CCT6A: variants seen among roughly 807,000 people sequenced by gnomAD.
CCT6A encodes T-complex protein 1 subunit zeta.
In CCT6A, 6 loss-of-function variants were observed where a neutral mutation model predicts 58.6. The ratio of observed to expected loss-of-function variants is 0.10; its 90% CI spans 0.06 to 0.20. The LOEUF (loss-of-function observed/expected upper bound fraction) is 0.20, where lower values mean the gene tolerates loss of function less well. Ranked by LOEUF, CCT6A falls within the 10% of genes least tolerant of loss-of-function variation. The pLI is 1.00. For synonymous variants in CCT6A, 245 were observed against 227.8 expected (o/e 1.08, Z -0.68); for missense variants, 516 against 648.8 (o/e 0.80, Z 2.22).
intron 9 of CCT6A, 86 bp downstream of exon 9, chr7:56,059,726 C>T: frequency 1.4e-6 from 1 of 701,970 alleles, no homozygotes; most frequent in South Asian, 1.6e-5. Context: ...GGTCTCACTC[C>T]TGCCCGGGCT....
At chr7:56,053,832 T>G (rs1308040143) in intron 2 of CCT6A, among the ~76,000 whole-genome samples, 2 of 152,110 alleles carry the variant, frequency 1.3e-5, no homozygotes, top group Non-Finnish European at 2.9e-5. Flanking sequence ...CATTGAACAT[T>G]TACAATTTAA....
At chr7:56,054,300 C>G in intron 2 of CCT6A, 69 bp from the exon 3 acceptor site, 1 of 1,353,926 alleles carries the variant, frequency 7.4e-7, no homozygotes. Flanking sequence ...GCCCTTCCTG[C>G]ATTTTGTCTG....
chr7:56,054,575 T>C, intron 3 of CCT6A, 72 bp downstream of exon 3: 7 of 1,458,854 alleles, frequency 4.8e-6, no homozygotes, highest in Non-Finnish European at 6.6e-6. Context: ...CAAATTGATG[T>C]GCTGTTAATA....
Position 56,063,001 on chromosome 7 carries a change from TCCCC to T in CCT6A, c.1524-10_1524-7del, listed in dbSNP as rs760815174. On this transcript the variant is annotated splice_polypyrimidine_tract_variant and splice_region_variant and intron_variant, in intron 13 of 13. Transcript: ENST00000275603. ...AATCATCTGAGCCATCTTATTTTTG[TCCCC>T]CTTTCAGCACTGTGATTGCCACCAA... is the stretch of plus-strand genomic sequence containing the variant. 5.5e-5 allele frequency: 88 copies of T among 1,603,016 alleles called. No homozygotes were observed. The highest frequency in any genetic ancestry group is 6.5e-5 in the Non-Finnish European group (76 of 1,170,052).
In CCT6A at chr7:56,056,413, A is replaced by G; in HGVS notation, c.613A>G (p.Ser205Gly). The G allele has an allele frequency of 2.1e-6, 3 of 1,408,404 alleles. No individual in the cohort carries two copies. Among genetic ancestry groups the G allele is most frequent in the Non-Finnish European group, 3.0e-6 (3 of 992,706 alleles). 87.2% of individuals were successfully genotyped at this position (1,408,404 alleles called of 1,614,324 possible). The change falls in exon 5 of 14, where the codon AGC becomes GGC. Residue 205 changes from serine (S) to glycine (G), a missense_variant and splice_region_variant. Ser to Gly is a moderately conservative substitution (Grantham distance 56). Around this residue, in one of 3 missense-constraint regions of CCT6A, gnomAD observed 85 missense variants for 74.9 expected, o/e 1.13. Coordinates refer to ENST00000275603, the MANE Select transcript of CCT6A (RefSeq NM_001762.4). ...GAAACATAAATCTGAAACTGATACA[A>G]GGTAGGTGGTAGAAGACTGTGAAAT... ...EMKHKSETDT[S>G]LIRGLVLDHG...
chr7:56,053,420 G>A (rs557512273), intron 2 of CCT6A, among the ~76,000 whole-genome samples: 8 of 152,256 alleles, frequency 5.3e-5, no homozygotes, highest in Middle Eastern at 3.4e-3. Flanking sequence ...GTGGTGGCCC[G>A]TGTTTGAAAA....
intron 12 of CCT6A, among the ~76,000 whole-genome samples, chr7:56,062,305 A>G (rs549597737): frequency 1.3e-5 from 2 of 152,328 alleles, no homozygotes; most frequent in African/African-American, 4.8e-5. Flanking sequence ...ATTAAGTACA[A>G]AGTAGGAGAT....
At position 56,051,857 on chromosome 7, in the gene CCT6A, G is replaced by A. The variant is rs1232837802; in HGVS notation, c.9G>A (p.Ala3=). 4 of 1,560,346 alleles carry A rather than the reference G, an allele frequency of 2.6e-6. No homozygotes were observed. Among genetic ancestry groups the A allele is most frequent in the South Asian group, 1.2e-5 (1 of 84,876 alleles). Residue 3 remains alanine (A), a synonymous_variant, in exon 1 of 14, where the codon GCG becomes GCA. Coordinates refer to ENST00000275603, the MANE Select transcript of CCT6A (RefSeq NM_001762.4). The part of the protein sequence containing the change: MA[A]VKTLNPKAEV... ...CCTCCGCTGGAGCAGCTATGGCGGC[G>A]GTGAAGACCCTGAACCCCAAGGCCG...
At chr7:56,061,694 T>TTTTTTTTTTTTTTTTTTTTTTTTTTTTG in intron 11 of CCT6A, 53 bp from the exon 12 acceptor site, 1 of 409,622 alleles carries the variant, frequency 2.4e-6, no homozygotes, top group South Asian at 2.7e-5. Flanking sequence ...TTTTTTTTTT[T>TTTTTTTTTTTTTTTTTTTTTTTTTTTTG]ACTATCAGTT....
chr7:56,055,396 G>C (rs1389905361), intron 3 of CCT6A: 2 of 625,846 alleles, frequency 3.2e-6, no homozygotes, highest in Non-Finnish European at 5.8e-6. Context: ...GTGCTTTATA[G>C]TTCCCTTGGC....
rs999937558 is a variant in CCT6A, at chr7:56,051,773, C to T, written c.-76C>T. 2 of 1,516,902 alleles carry T rather than the reference C, an allele frequency of 1.3e-6. No individual in the cohort carries two copies. Among genetic ancestry groups the T allele is most frequent in the Non-Finnish European group, 1.8e-6 (2 of 1,128,424 alleles). 94.0% of individuals were successfully genotyped at this position (1,516,902 alleles called of 1,614,324 possible). On this transcript the variant is annotated 5_prime_UTR_variant, in exon 1 of 14. Transcript: ENST00000275603. ...GACGGGCCGACTTTTCCAGAAGACC[C>T]GGATAGTTCCTCCCGGCCACGCCGC...
At position 56,061,668 on chromosome 7, in the gene CCT6A, C is replaced by CTTTTTTTTTTTTTTTTTTTTTTTTTTT. The variant is rs71015174; in HGVS notation, c.1348-53_1348-52insTTTTTTTTTTTTTTTTTTTTTTTTTTT. 6.1e-5 allele frequency: 19 copies of CTTTTTTTTTTTTTTTTTTTTTTTTTTT among 312,676 alleles called. 1 individual carries two copies. Among genetic ancestry groups the CTTTTTTTTTTTTTTTTTTTTTTTTTTT allele is most frequent in the African/African-American group, 2.3e-4 (6 of 25,938 alleles). 19.4% of individuals were successfully genotyped at this position (312,676 alleles called of 1,614,324 possible). On this transcript the variant is annotated intron_variant, in intron 11 of 13. Transcript: ENST00000275603. ...GGCCGAGATTTTCTTTTTCTTTTTT[C>CTTTTTTTTTTTTTTTTTTTTTTTTTTT]TTTTTTTTTTTTTTTTTTTTTTTTT...
intron 3 of CCT6A, among the ~76,000 whole-genome samples, chr7:56,055,164 C>T (rs1328077489): frequency 6.6e-6 from 1 of 152,168 alleles, no homozygotes; most frequent in Non-Finnish European, 1.5e-5. Flanking sequence ...ATCCCAGCTA[C>T]TTGGGAAGCT....
chr7:56,057,594 A>T (rs1406288313), intron 5 of CCT6A, among the ~76,000 whole-genome samples: 1 of 152,134 alleles, frequency 6.6e-6, no homozygotes, highest in African/African-American at 2.4e-5. Flanking sequence ...GTAATTTAAG[A>T]AATAGGCCGG....
chr7:56,052,594 T>A, intron 2 of CCT6A, 109 bp downstream of exon 2: 1 of 937,866 alleles, frequency 1.1e-6, no homozygotes, highest in Non-Finnish European at 1.7e-6. Flanking sequence ...CATTCAGAAG[T>A]GGCGTGTAAT....
At chr7:56,058,235 GTC>G (rs1794356953) in intron 6 of CCT6A, 125 bp from the exon 7 acceptor site, 20 of 860,662 alleles carry the variant, frequency 2.3e-5, no homozygotes, top group Middle Eastern at 2.4e-4. Flanking sequence ...ATAGGAAACA[GTC>G]TCTGAAGATG....
chr7:56,062,828 G>A, intron 13 of CCT6A, 73 bp downstream of exon 13: 1 of 1,326,040 alleles, frequency 7.5e-7, no homozygotes, highest in South Asian at 1.2e-5. Context: ...CTGTTTAGTT[G>A]CTCCTTTCCC....
intron 5 of CCT6A, among the ~76,000 whole-genome samples, 168 bp downstream of exon 5, chr7:56,056,582 G>A (rs1429240531): frequency 1.3e-5 from 2 of 151,642 alleles, no homozygotes; most frequent in Non-Finnish European, 2.9e-5. Context: ...AATTAACCAG[G>A]CGTGCCGGGC....
chr7:56,051,931 G>A lies in CCT6A; in HGVS notation c.83G>A (p.Arg28Gln). ...CTGGCGGTCAACATCAGCGCAGCGCGGGGTCTGCAGGACGTGCTAAGGACC... is the reference window on the plus strand; with the variant it reads ...CTGGCGGTCAACATCAGCGCAGCGCAGGGTCTGCAGGACGTGCTAAGGACC... Reference protein sequence around the residue: ...AALAVNISAARGLQDVLRTNL... With the variant: ...AALAVNISAAQGLQDVLRTNL... Residue 28 changes from arginine to glutamine, a missense_variant, in exon 1 of 14, where the codon CGG becomes CAG. Around this residue, in one of 3 missense-constraint regions of CCT6A, gnomAD observed 116 missense variants for 184.5 expected, o/e 0.63. Coordinates refer to ENST00000275603, the MANE Select transcript of CCT6A (RefSeq NM_001762.4). The A allele has an allele frequency of 6.5e-7, 1 of 1,549,656 alleles. No individual in the cohort carries two copies. Among genetic ancestry groups the A allele is most frequent in the South Asian group, 1.2e-5 (1 of 84,126 alleles).
Sources: allele counts gnomAD v4.1 joint callset (sites outside exome capture counted in the v4.1 genomes callset), GRCh38; gene constraint gnomAD v4.1.1; regional missense constraint gnomAD v4.1.1; transcripts MANE v1.5; gene names NCBI Gene and HGNC (gene_info 2026-07-23, HGNC 2026-07-21).